Variants in DYNC2H1 observed in about 807,000 individuals in gnomAD.
DYNC2H1 encodes the protein dynein cytoplasmic 2 heavy chain 1, also known as cytoplasmic dynein 2 heavy chain 1.
In DYNC2H1, 410 loss-of-function variants were observed where a neutral mutation model predicts 570.0. That is an observed-to-expected ratio of 0.72 (90% CI 0.66 to 0.78). DYNC2H1 has a LOEUF of 0.78. Ranked by LOEUF, DYNC2H1 falls within the 30% of genes least tolerant of loss-of-function variation. The pLI is 0.00. For missense variants in DYNC2H1, 4,865 were observed against 5,046.4 expected, an observed-to-expected ratio of 0.96 and a Z score of 1.09; for synonymous variants, 1,688 against 1,677.6, an observed-to-expected ratio of 1.01 and a Z score of -0.15.
chr11:103,370,966 A>G (rs998961705), intron 83 of DYNC2H1, among the ~76,000 whole-genome samples: 2 of 152,082 alleles, frequency 1.3e-5, no homozygotes, highest in African/African-American at 4.8e-5. Flanking sequence ...CACAAAATTA[A>G]CTAAGGCACC....
At chr11:103,250,089 G>T (rs1864772203) in intron 65 of DYNC2H1, among the ~76,000 whole-genome samples, 1 of 151,926 alleles carries the variant, frequency 6.6e-6, no homozygotes, top group African/African-American at 2.4e-5. Context: ...TAAACACTGG[G>T]ATTATTTTGT....
In DYNC2H1 at chr11:103,245,917, T is replaced by C. The variant is rs1477838675; in HGVS notation, c.10042+543T>C. On this transcript the variant is annotated intron_variant, in intron 65 of 88. Coordinates refer to ENST00000375735, the MANE Select transcript of DYNC2H1 (RefSeq NM_001377.3). The surrounding 1 kb of genome is among the most constrained non-coding windows in gnomAD (Gnocchi z 4.5). ...ATCATGCAAAGTGTATACACATACA[T>C]ATGTAGACGTGTACATATACGTACG... Among the ~76,000 whole-genome samples the C allele has an allele frequency of 6.6e-6, 1 of 152,122 alleles. No homozygotes were observed. Among genetic ancestry groups the C allele is most frequent in the South Asian group, 2.1e-4 (1 of 4,828 alleles).
At chr11:103,183,518 T>G (rs1012432949) in intron 40 of DYNC2H1, among the ~76,000 whole-genome samples, 1 of 151,832 alleles carries the variant, frequency 6.6e-6, no homozygotes, top group Non-Finnish European at 1.5e-5. Flanking sequence ...AAGGGTTCTT[T>G]TCTTTTTATC....
chr11:103,369,957 AT>A lies in DYNC2H1; in HGVS notation c.12156+11600del, dbSNP rs1941078208. Among the ~76,000 whole-genome samples, 1 of 152,226 alleles carries A rather than the reference AT, an allele frequency of 6.6e-6. No individual in the cohort carries two copies. Among genetic ancestry groups the A allele is most frequent in the Non-Finnish European group, 1.5e-5 (1 of 68,050 alleles). On this transcript the variant is annotated intron_variant, in intron 83 of 88. Coordinates refer to ENST00000375735, the MANE Select transcript of DYNC2H1 (RefSeq NM_001377.3). This position sits in a 1 kb window ranked among gnomAD's most constrained non-coding sequence, Gnocchi z 4.0. The stretch of plus-strand genomic sequence containing the variant: ...AAGCAGAGAGAAATGCAAAGGGGAC[AT>A]TGTCTTGCACATTAGGTAGAAGCTT...
Position 103,199,389 on chromosome 11 carries a change from A to T in DYNC2H1, c.8001A>T (p.Leu2667Phe). 1 of 1,610,802 alleles carries T rather than the reference A, an allele frequency of 6.2e-7. No individual in the cohort carries two copies. Among genetic ancestry groups the T allele is most frequent in the African/African-American group, 1.3e-5 (1 of 74,352 alleles). Residue 2667 changes from leucine to phenylalanine, a missense_variant, in exon 49 of 89, where the codon TTA becomes TTT. By Grantham distance (22) the Leu-to-Phe change is conservative (BLOSUM62 0). Around this residue, in one of 5 missense-constraint regions of DYNC2H1, gnomAD observed 2,401 missense variants for 2,454.6 expected, o/e 0.98. Transcript: ENST00000375735. This position sits in a 1 kb window ranked among gnomAD's most constrained non-coding sequence, Gnocchi z 4.6. ...TAGGTCGTCGGACCATCACTTCTTT[A>T]GTCAGTCACATGCATGGAGCGGTCC... ...SGVGRRTITS[L>F]VSHMHGAVLF...
At chr11:103,226,748 C>T (rs919984737) in intron 59 of DYNC2H1, among the ~76,000 whole-genome samples, 1 of 152,046 alleles carries the variant, frequency 6.6e-6, no homozygotes, top group Non-Finnish European at 1.5e-5. Flanking sequence ...GGAGGATTCC[C>T]ATCTTCTCTA....
chr11:103,222,859 T>C, intron 58 of DYNC2H1, 106 bp from the exon 59 acceptor site: 1 of 1,417,656 alleles, frequency 7.1e-7, no homozygotes, highest in Admixed American at 2.2e-5. Context: ...AAAACTACTT[T>C]ATTTGGGTCA....
At chr11:103,117,277 A>G (rs1485135855) in intron 5 of DYNC2H1, among the ~76,000 whole-genome samples, 1 of 146,490 alleles carries the variant, frequency 6.8e-6, no homozygotes, top group East Asian at 2.0e-4. Context: ...TATATTTTTT[A>G]ATATATATAT....
chr11:103,435,819 C>T (rs1944039733), intron 84 of DYNC2H1, 124 bp from the exon 85 acceptor site: 1 of 751,348 alleles, frequency 1.3e-6, no homozygotes, highest in South Asian at 1.7e-5. Flanking sequence ...TGAGATCAAA[C>T]TTAATGAATT....
chr11:103,395,798 C>T lies in DYNC2H1; in HGVS notation c.12157-3865C>T, dbSNP rs1406563946. ...TTTGTGGAACTGAGTTGAATCAACT[C>T]TTCCAGAACTCTGTGGACTAAGACT... is the stretch of plus-strand genomic sequence containing the variant. On this transcript the variant is annotated intron_variant, in intron 83 of 88. Coordinates refer to ENST00000375735, the MANE Select transcript of DYNC2H1 (RefSeq NM_001377.3). The surrounding 1 kb of genome is among the most constrained non-coding windows in gnomAD (Gnocchi z 4.3). 6.6e-6 allele frequency among the ~76,000 whole-genome samples: 1 copy of T among 152,132 alleles called. No individual in the cohort carries two copies.
rs572194274 is a variant in DYNC2H1 at position 103,294,644 on chromosome 11, G to A, written c.11095+7039G>A. Among the ~76,000 whole-genome samples the A allele has an allele frequency of 2.4e-4, 37 of 152,228 alleles. No homozygotes were observed. The South Asian group carries it at 5.6e-3, about 23-fold the overall frequency. On this transcript the variant is annotated intron_variant, in intron 75 of 88. Coordinates refer to ENST00000375735, the MANE Select transcript of DYNC2H1 (RefSeq NM_001377.3). ...CAATATGGGCTCTGCCTTGACCACC[G>A]CAGCTGGCACCATGCTGAGTCATAC...
At chr11:103,408,984 A>G (rs1372037521) in intron 84 of DYNC2H1, among the ~76,000 whole-genome samples, 3 of 152,050 alleles carry the variant, frequency 2.0e-5, no homozygotes, top group African/African-American at 7.2e-5. Flanking sequence ...ATTAAAAGTA[A>G]GAGACAGCTG....
chr11:103,275,280 T>A lies in DYNC2H1; in HGVS notation c.10696-5068T>A, dbSNP rs982357242. Among the ~76,000 whole-genome samples, 4 of 152,172 alleles carry A rather than the reference T, an allele frequency of 2.6e-5. No homozygotes were observed. The highest frequency in any genetic ancestry group is 1.5e-5 in the Non-Finnish European group (1 of 68,020). The stretch of plus-strand genomic sequence containing the variant: ...CCTTGCCTCCACATACTGTACAGCC[T>A]CTTTCACTATCAAAATCCTGCACCA... On this transcript the variant is annotated intron_variant, in intron 70 of 88. Coordinates refer to ENST00000375735, the MANE Select transcript of DYNC2H1 (RefSeq NM_001377.3). This position sits in a 1 kb window ranked among gnomAD's most constrained non-coding sequence, Gnocchi z 4.8.
intron 24 of DYNC2H1, among the ~76,000 whole-genome samples, 199 bp downstream of exon 24, chr11:103,155,008 T>C (rs1054556816): frequency 5.9e-5 from 9 of 152,076 alleles, no homozygotes; most frequent in African/African-American, 2.2e-4. Flanking sequence ...ATAAGAAATT[T>C]ATGTTAAAGT....
At chr11:103,291,088 C>A (rs114696107) in intron 75 of DYNC2H1, among the ~76,000 whole-genome samples, 149 of 152,274 alleles carry the variant, frequency 9.8e-4, no homozygotes, top group African/African-American at 3.5e-3. Context: ...AATCAGGCTA[C>A]ATATAACCTG....
At position 103,305,692 on chromosome 11, in the gene DYNC2H1, C is replaced by G. The variant is rs1461361291; in HGVS notation, c.11382+972C>G. 6.8e-6 allele frequency among the ~76,000 whole-genome samples: 1 copy of G among 146,076 alleles called. No individual in the cohort carries two copies. The highest frequency in any genetic ancestry group is 1.5e-5 in the Non-Finnish European group (1 of 66,408). ...AATCTCTGCAGTCCTAATTAATTGGCAACTACACACTTCCACAAATAGTCA... is the reference window on the plus strand; with the variant it reads ...AATCTCTGCAGTCCTAATTAATTGGGAACTACACACTTCCACAAATAGTCA... On this transcript the variant is annotated intron_variant, in intron 77 of 88. Transcript: ENST00000375735. This position sits in a 1 kb window ranked among gnomAD's most constrained non-coding sequence, Gnocchi z 4.3.
At position 103,235,146 on chromosome 11, in the gene DYNC2H1, A is replaced by T. The variant is rs1341181160; in HGVS notation, c.9568-526A>T. 2.0e-5 allele frequency among the ~76,000 whole-genome samples: 3 copies of T among 151,916 alleles called. No homozygotes were observed. The East Asian group carries it at 5.8e-4, about 29-fold the overall frequency. ...ACTCATTGCTTGCTTAAATGCTTTC[A>T]ATGGCTCACGTCACAGTTTAAAATA... On this transcript the variant is annotated intron_variant, in intron 61 of 88. Coordinates refer to ENST00000375735, the MANE Select transcript of DYNC2H1 (RefSeq NM_001377.3).
Position 103,372,032 on chromosome 11 carries a change from CTTTTTTTTTT to C in DYNC2H1, c.12156+13690_12156+13699del, listed in dbSNP as rs1156605664. Among the ~76,000 whole-genome samples, 14 of 38,038 alleles carry C rather than the reference CTTTTTTTTTT, an allele frequency of 3.7e-4. 1 individual carries two copies. Among genetic ancestry groups the C allele is most frequent in the African/African-American group, 1.0e-3 (10 of 9,650 alleles). The allele number at this position is 38,038 out of a possible 152,430, so 25.0% of individuals were successfully genotyped here. On this transcript the variant is annotated intron_variant, in intron 83 of 88. Coordinates refer to ENST00000375735, the MANE Select transcript of DYNC2H1 (RefSeq NM_001377.3). ...TGAAAGTGGGCAACTTTGTCTTGTTCTTTTTTTTTTTTTTTTTTTTTTTTTTGAGGCAGGG... is the reference window on the plus strand; with the variant it reads ...TGAAAGTGGGCAACTTTGTCTTGTTCTTTTTTTTTTTTTTTTGAGGCAGGG...
chr11:103,191,572 T>C lies in DYNC2H1; in HGVS notation c.7493T>C (p.Ile2498Thr), dbSNP rs370407414. ...AGTCACTATTTCTTTACTCCTTGCATTCTTACCCAATGGGTTCTTGGCTTA... is the reference window on the plus strand; with the variant it reads ...AGTCACTATTTCTTTACTCCTTGCACTCTTACCCAATGGGTTCTTGGCTTA... ...DYSHYFFTPCILTQWVLGLFR... is the reference protein window; with the variant it reads ...DYSHYFFTPCTLTQWVLGLFR... Residue 2498 changes from isoleucine to threonine, a missense_variant, in exon 46 of 89, where the codon ATT becomes ACT. Around this residue, in one of 5 missense-constraint regions of DYNC2H1, gnomAD observed 2,401 missense variants for 2,454.6 expected, o/e 0.98. Coordinates refer to ENST00000375735, the MANE Select transcript of DYNC2H1 (RefSeq NM_001377.3). 1 of 1,610,788 alleles carries C rather than the reference T, an allele frequency of 6.2e-7. No homozygotes were observed. Among genetic ancestry groups the C allele is most frequent in the Non-Finnish European group, 8.5e-7 (1 of 1,178,410 alleles).
Sources: allele counts gnomAD v4.1 joint callset (sites outside exome capture counted in the v4.1 genomes callset), GRCh38; gene constraint gnomAD v4.1.1; regional missense constraint gnomAD v4.1.1; non-coding constraint Gnocchi (gnomAD v3.1); transcripts MANE v1.5; gene names NCBI Gene and HGNC (gene_info 2026-07-23, HGNC 2026-07-21).